Variants in PEX14 observed in about 807,000 individuals in gnomAD.
PEX14 encodes the protein peroxisomal biogenesis factor 14.
A neutral mutation model predicts 49.5 loss-of-function variants in PEX14; 15 were observed. The ratio of observed to expected loss-of-function variants is 0.30; its 90% confidence interval spans 0.20 to 0.47. The LOEUF is 0.47. Among genes scored for constraint, PEX14 ranks in the 20% least tolerant of loss-of-function variants. The pLI, the probability that PEX14 is intolerant of heterozygous loss-of-function variation, is 1.00. For synonymous variants in PEX14, 210 were observed against 212.7 expected (o/e 0.99, Z 0.11); for missense variants, 398 against 494.8 (o/e 0.80, Z 1.86).
chr1:10,582,989 G>A (rs969209753), intron 3 of PEX14, among the ~76,000 whole-genome samples: 3 of 151,654 alleles, frequency 2.0e-5, no homozygotes, highest in Non-Finnish European at 2.9e-5. Flanking sequence ...GTCCCTCCTC[G>A]GCCTCCCAAA....
chr1:10,500,597 C>T (rs182324600), intron 2 of PEX14, among the ~76,000 whole-genome samples: 169 of 151,912 alleles, frequency 1.1e-3, no homozygotes, highest in South Asian at 5.2e-3. Flanking sequence ...TTTTTTGAAG[C>T]GGTGTCTCGC....
intron 2 of PEX14, among the ~76,000 whole-genome samples, chr1:10,528,530 G>A (rs1041283875): frequency 1.3e-5 from 2 of 152,188 alleles, no homozygotes; most frequent in South Asian, 4.1e-4. Context: ...AGTTCTCTCA[G>A]GGAGCATCTT....
At position 10,539,566 on chromosome 1, in the gene PEX14, G is replaced by A. The variant is rs1315914869; in HGVS notation, c.169+3269G>A. Among the ~76,000 whole-genome samples the A allele has an allele frequency of 8.8e-6, 1 of 113,536 alleles. No individual in the cohort carries two copies. Among genetic ancestry groups the A allele is most frequent in the African/African-American group, 2.7e-5 (1 of 37,486 alleles). 74.5% of individuals were successfully genotyped at this position (113,536 alleles called of 152,430 possible). A position where few individuals can be genotyped will look rare whatever the true frequency, so the allele number is the denominator to read the frequency against. ...AGCCACACATCAAGATAATTGGACT[G>A]TGTGTGGGGTTTAAGCCCTCATAGA... On this transcript the variant is annotated intron_variant, in intron 3 of 8. Coordinates refer to ENST00000356607, the MANE Select transcript of PEX14 (RefSeq NM_004565.3). The surrounding 1 kb of genome is among the most constrained non-coding windows in gnomAD (Gnocchi z 4.6).
In PEX14 at chr1:10,613,450, T is replaced by C. The variant is rs559799183; in HGVS notation, c.299-4882T>C. Among the ~76,000 whole-genome samples, 3 of 152,306 alleles carry C rather than the reference T, an allele frequency of 2.0e-5. No individual in the cohort carries two copies. The East Asian group carries it at 5.8e-4, about 29-fold the overall frequency. The stretch of plus-strand genomic sequence containing the variant: ...GAAGGTTGGGTTTTGAAGAGCTCCA[T>C]GCCCTTTGCTCTATAGCAGTTTATC... On this transcript the variant is annotated intron_variant, in intron 4 of 8. Coordinates refer to ENST00000356607, the MANE Select transcript of PEX14 (RefSeq NM_004565.3). This position sits in a 1 kb window ranked among gnomAD's most constrained non-coding sequence, Gnocchi z 5.0.
intron 3 of PEX14, among the ~76,000 whole-genome samples, chr1:10,542,232 TAC>T (rs1328920028): frequency 6.6e-6 from 1 of 152,204 alleles, no homozygotes; most frequent in Non-Finnish European, 1.5e-5. Context: ...CAGAGGATGC[TAC>T]AGTTTCTTAT....
intron 3 of PEX14, among the ~76,000 whole-genome samples, chr1:10,572,595 C>T (rs772430951): frequency 1.3e-5 from 2 of 152,046 alleles, no homozygotes; most frequent in African/African-American, 2.4e-5. Flanking sequence ...AGTGCGGTGG[C>T]GCAATCTCAG....
chr1:10,490,009 G>A (rs1433075611), intron 1 of PEX14, among the ~76,000 whole-genome samples: 11 of 152,226 alleles, frequency 7.2e-5, no homozygotes, highest in Non-Finnish European at 1.5e-5. Flanking sequence ...CGAAGTGGAA[G>A]TGCATTGGTT....
chr1:10,623,155 A>G lies in PEX14; in HGVS notation c.487+34A>G, dbSNP rs374214597. 267 of 1,441,238 alleles carry G rather than the reference A, an allele frequency of 1.9e-4. 1 individual carries two copies. The Middle Eastern group carries it at 2.6e-3, about 14-fold the overall frequency. The allele number at this position is 1,441,238 out of a possible 1,614,324, so 89.3% of individuals were successfully genotyped here. ...TAATGACTCCATCAAGTCACCCCTC[A>G]CAGCCTTCTCCAAGCAGCCCCTTCT... On this transcript the variant is annotated intron_variant, in intron 6 of 8. Coordinates refer to ENST00000356607, the MANE Select transcript of PEX14 (RefSeq NM_004565.3). The surrounding 1 kb of genome is among the most constrained non-coding windows in gnomAD (Gnocchi z 4.4).
intron 3 of PEX14, among the ~76,000 whole-genome samples, chr1:10,550,683 T>A (rs1179192186): frequency 6.6e-6 from 1 of 152,210 alleles, no homozygotes; most frequent in Non-Finnish European, 1.5e-5. Flanking sequence ...CCTAAGTCAT[T>A]TCCTCAAAAA....
intron 4 of PEX14, among the ~76,000 whole-genome samples, chr1:10,606,306 C>T (rs1408297058): frequency 6.6e-6 from 1 of 152,224 alleles, no homozygotes; most frequent in African/African-American, 2.4e-5. Context: ...GCTGTCCAGC[C>T]AGCGAGAGCG....
chr1:10,618,904 G>A (rs1006114947), intron 5 of PEX14, among the ~76,000 whole-genome samples: 3 of 152,324 alleles, frequency 2.0e-5, no homozygotes, highest in East Asian at 1.9e-4. Context: ...CGTGAAGTCC[G>A]GAAGAGTCAG....
At chr1:10,507,065 G>A (rs604814) in intron 2 of PEX14, among the ~76,000 whole-genome samples, 81,236 of 152,032 alleles carry the variant, frequency 0.53, 21,823 homozygotes, top group African/African-American at 0.59. Context: ...TTCTGGCCTC[G>A]CTGTTGGTGT....
In PEX14 at chr1:10,629,869, AGGAGGACTGCCTGGGGGTGCAGAG is replaced by A. The variant is rs749458457; in HGVS notation, c.1024_1047del (p.Cys342_Asp349del). ...GATGATGATGTGAGCCATGTGGACGAGGAGGACTGCCTGGGGGTGCAGAGGGAGGACCGCCGGGGCGGGGATGGG... is the reference window on the plus strand; with the variant it reads ...GATGATGATGTGAGCCATGTGGACGAGGAGGACCGCCGGGGCGGGGATGGG... On this transcript the variant is annotated inframe_deletion, in exon 9 of 9. Coordinates refer to ENST00000356607, the MANE Select transcript of PEX14 (RefSeq NM_004565.3). This position sits in a 1 kb window ranked among gnomAD's most constrained non-coding sequence, Gnocchi z 8.5. 19 of 1,612,448 alleles carry A rather than the reference AGGAGGACTGCCTGGGGGTGCAGAG, an allele frequency of 1.2e-5. No individual in the cohort carries two copies. In the African/African-American group the frequency reaches 2.0e-4, roughly 17 times the overall value.
At position 10,509,841 on chromosome 1, in the gene PEX14, T is replaced by C. The variant is rs1378234466; in HGVS notation, c.84+14520T>C. ...AGTTTCTCCAGCTTATTTTATTCTT[T>C]TACGCTTTATTTTCCAAATGGCTTT... On this transcript the variant is annotated intron_variant, in intron 2 of 8. Transcript: ENST00000356607. Among the ~76,000 whole-genome samples, 9 of 152,352 alleles carry C rather than the reference T, an allele frequency of 5.9e-5. No individual in the cohort carries two copies. In the South Asian group the frequency reaches 1.9e-3, roughly 32 times the overall value.
At chr1:10,614,497 T>C (rs1335994187) in intron 4 of PEX14, among the ~76,000 whole-genome samples, 1 of 151,810 alleles carries the variant, frequency 6.6e-6, no homozygotes, top group Non-Finnish European at 1.5e-5. Flanking sequence ...ATTGGGAGGG[T>C]CCTGGTCCTC....
chr1:10,603,770 G>A (rs536142746), intron 4 of PEX14, among the ~76,000 whole-genome samples: 9 of 152,182 alleles, frequency 5.9e-5, no homozygotes, highest in Admixed American at 2.6e-4. Context: ...CAGGACCAGT[G>A]TAAATTTTGT....
intron 3 of PEX14, among the ~76,000 whole-genome samples, chr1:10,596,592 G>C (rs1640839334): frequency 6.6e-6 from 1 of 152,086 alleles, no homozygotes; most frequent in Non-Finnish European, 1.5e-5. Flanking sequence ...AGAGTCACTG[G>C]GCTGAAGAGG....
chr1:10,587,868 G>A (rs190119686), intron 3 of PEX14, among the ~76,000 whole-genome samples: 2 of 143,416 alleles, frequency 1.4e-5, no homozygotes, highest in Admixed American at 7.0e-5. Context: ...AAAAATATAC[G>A]GACACACATA....
intron 3 of PEX14, among the ~76,000 whole-genome samples, chr1:10,569,570 G>C (rs1639912654): frequency 6.6e-6 from 1 of 152,126 alleles, no homozygotes; most frequent in Non-Finnish European, 1.5e-5. Flanking sequence ...CTTCCATGTG[G>C]TCTTTCTTGG....
Sources: gnomAD v4.1 joint callset for allele counts (sites outside exome capture counted in the v4.1 genomes callset) on GRCh38, gnomAD v4.1.1 for gene constraint, Gnocchi (gnomAD v3.1) non-coding constraint, MANE v1.5 for transcripts, NCBI Gene and HGNC (gene_info 2026-07-23, HGNC 2026-07-21) for gene names.